The following ASTN2 variants were observed in gnomAD, a reference collection of about 807,000 sequenced individuals.
ASTN2 encodes the protein astrotactin 2.
Under a neutral mutation model 139.8 loss-of-function variants are expected in ASTN2, and 54 were observed. The observed-to-expected ratio is 0.39, with a 90% CI of 0.31 to 0.48. ASTN2 has a LOEUF of 0.48. Among genes scored for constraint, ASTN2 ranks in the 20% least tolerant of loss-of-function variants. The pLI is 0.95. For missense variants in ASTN2, 1,565 were observed against 1,725.1 expected (o/e 0.91, Z 1.64); for synonymous variants, 756 against 719.5 (o/e 1.05, Z -0.81).
intron 7 of ASTN2, among the ~76,000 whole-genome samples, chr9:116,992,441 C>T (rs1836885951): frequency 6.6e-6 from 1 of 152,114 alleles, no homozygotes; most frequent in Non-Finnish European, 1.5e-5. Flanking sequence ...TAATATTTTT[C>T]CCTCCACATT....
chr9:116,867,474 C>G (rs1033028617), intron 10 of ASTN2, among the ~76,000 whole-genome samples: 8 of 143,744 alleles, frequency 5.6e-5, no homozygotes, highest in Non-Finnish European at 3.0e-5. Context: ...GGCGTGAACC[C>G]GGGAGGCGGA....
chr9:116,726,734 T>A (rs1413951782), intron 15 of ASTN2, among the ~76,000 whole-genome samples: 1 of 152,166 alleles, frequency 6.6e-6, no homozygotes, highest in African/African-American at 2.4e-5. Flanking sequence ...GCACTTAACA[T>A]GGGGCCTGCA....
intron 5 of ASTN2, among the ~76,000 whole-genome samples, chr9:117,062,962 C>A (rs1839335822): frequency 6.6e-6 from 1 of 152,132 alleles, no homozygotes; most frequent in Non-Finnish European, 1.5e-5. Context: ...TTTACTGTTG[C>A]CATACCTCCA....
In ASTN2 at chr9:116,963,009, A is replaced by G. The variant is rs149442017; in HGVS notation, c.1889+12199T>C. On this transcript the variant is annotated intron_variant, in intron 10 of 22. Coordinates refer to ENST00000313400, the MANE Select transcript of ASTN2 (RefSeq NM_001365068.1). ...TTACTGTGCTTAGAACTGGGAATAC[A>G]ATGATGTTAAGATTCGATCCATGAA... Among the ~76,000 whole-genome samples, 99 of 152,334 alleles carry G rather than the reference A, an allele frequency of 6.5e-4. 1 individual carries two copies. Among genetic ancestry groups the G allele is most frequent in the East Asian group, 5.8e-3 (30 of 5,184 alleles).
chr9:117,018,042 CCT>C (rs1331533252), intron 6 of ASTN2, among the ~76,000 whole-genome samples: 5 of 151,780 alleles, frequency 3.3e-5, no homozygotes, highest in African/African-American at 9.7e-5. Flanking sequence ...CAGCTTTTCC[CCT>C]GATTGTCACA....
intron 19 of ASTN2, among the ~76,000 whole-genome samples, chr9:116,608,538 T>C (rs1189024074): frequency 6.6e-6 from 1 of 152,062 alleles, no homozygotes; most frequent in East Asian, 1.9e-4. Context: ...TGTTTCTCTG[T>C]GCAAAAGAGT....
chr9:116,433,855 G>C (rs557377438), intron 22 of ASTN2, among the ~76,000 whole-genome samples: 22 of 152,228 alleles, frequency 1.4e-4, no homozygotes, highest in African/African-American at 5.1e-4. Context: ...GAAAATGTTC[G>C]CATTTGCTTT....
chr9:116,764,016 C>T (rs1829741927), intron 13 of ASTN2, among the ~76,000 whole-genome samples: 2 of 152,194 alleles, frequency 1.3e-5, no homozygotes, highest in South Asian at 4.1e-4. Flanking sequence ...CTGAACACAT[C>T]ACTCACAGAA....
chr9:117,403,671 A>G (rs758530904), intron 1 of ASTN2, among the ~76,000 whole-genome samples: 32 of 152,206 alleles, frequency 2.1e-4, no homozygotes, highest in Non-Finnish European at 4.3e-4. Flanking sequence ...GGCTGCTTGC[A>G]AAGCCACTCG....
chr9:117,406,415 A>G (rs1830989780), intron 1 of ASTN2, among the ~76,000 whole-genome samples: 1 of 152,094 alleles, frequency 6.6e-6, no homozygotes, highest in Non-Finnish European at 1.5e-5. Context: ...TCAAAGCCCA[A>G]ATCCTGACAG....
At chr9:116,810,925 T>C (rs1831148186) in intron 12 of ASTN2, among the ~76,000 whole-genome samples, 1 of 152,132 alleles carries the variant, frequency 6.6e-6, no homozygotes, top group Admixed American at 6.5e-5. Flanking sequence ...ACTTCGTAAT[T>C]TATATTTTCT....
At chr9:116,806,972 C>T (rs1831046130) in intron 12 of ASTN2, among the ~76,000 whole-genome samples, 2 of 151,928 alleles carry the variant, frequency 1.3e-5, no homozygotes, top group African/African-American at 4.8e-5. Flanking sequence ...AATAAGGAGC[C>T]AAGAAATAAA....
chr9:116,959,110 G>T (rs1306644986), intron 10 of ASTN2, among the ~76,000 whole-genome samples: 1 of 152,194 alleles, frequency 6.6e-6, no homozygotes, highest in Non-Finnish European at 1.5e-5. Context: ...CAGAAGCACT[G>T]TGTGGAGAGG....
intron 7 of ASTN2, among the ~76,000 whole-genome samples, chr9:116,993,876 A>ATATATATATTTTTT (rs1030120382): frequency 1.1e-3 from 162 of 142,034 alleles, no homozygotes; most frequent in Non-Finnish European, 1.7e-3. Flanking sequence ...ATATATATAT[A>ATATATATATTTTTT]TTTTAACTAT....
At chr9:117,222,053 C>T (rs1832540425) in intron 2 of ASTN2, among the ~76,000 whole-genome samples, 1 of 152,080 alleles carries the variant, frequency 6.6e-6, no homozygotes, top group African/African-American at 2.4e-5. Context: ...GTCCTATGCC[C>T]TAGTTTTCAT....
chr9:116,919,189 C>T (rs563245913), intron 10 of ASTN2, among the ~76,000 whole-genome samples: 2 of 152,224 alleles, frequency 1.3e-5, no homozygotes, highest in African/African-American at 4.8e-5. Context: ...GATCAGTTCC[C>T]AGCTTACCTG....
intron 19 of ASTN2, among the ~76,000 whole-genome samples, chr9:116,604,660 T>C (rs1588067273): frequency 1.3e-5 from 2 of 152,162 alleles, no homozygotes; most frequent in Admixed American, 6.5e-5. Context: ...ATGTAAGTGC[T>C]CCATCACAGC....
intron 1 of ASTN2, among the ~76,000 whole-genome samples, chr9:117,379,506 C>T (rs983648524): frequency 2.6e-5 from 4 of 152,172 alleles, no homozygotes; most frequent in African/African-American, 9.7e-5. Flanking sequence ...ACCCTTAATC[C>T]TTCCAGTTAA....
intron 10 of ASTN2, among the ~76,000 whole-genome samples, chr9:116,962,927 G>C (rs1835911022): frequency 6.6e-6 from 1 of 152,104 alleles, no homozygotes; most frequent in African/African-American, 2.4e-5. Flanking sequence ...GAACATACAA[G>C]CAGAGCCACA....
Sources: allele counts gnomAD v4.1 joint callset (sites outside exome capture counted in the v4.1 genomes callset), GRCh38; gene constraint gnomAD v4.1.1; transcripts MANE v1.5; gene names NCBI Gene and HGNC (gene_info 2026-07-23, HGNC 2026-07-21).